ANAPC10: variants seen among roughly 807,000 people sequenced by gnomAD.
ANAPC10 encodes the protein anaphase promoting complex subunit 10, also known as anaphase-promoting complex subunit 10.
ANAPC10 carries 12 observed loss-of-function variants against 22.0 expected under a neutral mutation model. That is an observed-to-expected ratio of 0.55 (90% confidence interval 0.35 to 0.88). ANAPC10 has a LOEUF of 0.88. Among genes scored for constraint, ANAPC10 ranks in the 40% least tolerant of loss-of-function variants. ANAPC10 has a pLI of 0.01. For synonymous variants in ANAPC10, 65 were observed against 69.5 expected, an observed-to-expected ratio of 0.94 and a Z score of 0.32; for missense variants, 188 against 220.9, an observed-to-expected ratio of 0.85 and a Z score of 0.94.
chr4:145,096,176 T>C (rs1276775493), intron 1 of ANAPC10, 65 bp from the exon 2 acceptor site: 1 of 1,549,998 alleles, frequency 6.5e-7, no homozygotes, highest in African/African-American at 1.4e-5. Context: ...AAAAGTTTTT[T>C]ACCAAGAAAA....
At chr4:144,996,797 A>T (rs996702773) in intron 4 of ANAPC10, among the ~76,000 whole-genome samples, 1 of 152,222 alleles carries the variant, frequency 6.6e-6, no homozygotes, top group Non-Finnish European at 1.5e-5. Context: ...TCCGAGCTAA[A>T]GGAGGATATT....
intron 2 of ANAPC10, among the ~76,000 whole-genome samples, chr4:145,084,470 A>T (rs1195833395): frequency 6.6e-6 from 1 of 152,218 alleles, no homozygotes; most frequent in Non-Finnish European, 1.5e-5. Context: ...AAGGAGCCAG[A>T]TCACACAGAC....
At position 145,095,981 on chromosome 4, in the gene ANAPC10, T is replaced by C. The variant is rs780215010; in HGVS notation, c.115+4A>G. The C allele has an allele frequency of 6.2e-7, 1 of 1,614,146 alleles. No individual in the cohort carries two copies. The highest frequency in any genetic ancestry group is 1.7e-5 in the Admixed American group (1 of 60,024). On this transcript the variant is annotated splice_donor_region_variant and intron_variant, in intron 2 of 4. Coordinates refer to ENST00000507656, the MANE Select transcript of ANAPC10 (RefSeq NM_001256706.2). ...CAACAGCTTTTTTGTTTGTTAGTTT[T>C]TACCTGGTTTGCAAGATGAGAGTGA...
At chr4:145,096,326 G>C (rs772991722) in intron 1 of ANAPC10, among the ~76,000 whole-genome samples, 4 of 152,174 alleles carry the variant, frequency 2.6e-5, no homozygotes, top group Non-Finnish European at 4.4e-5. Flanking sequence ...GGGAGGCTGA[G>C]ACAGGAGGAT....
At chr4:145,005,761 C>A (rs1733246695) in intron 4 of ANAPC10, among the ~76,000 whole-genome samples, 1 of 152,054 alleles carries the variant, frequency 6.6e-6, no homozygotes, top group Non-Finnish European at 1.5e-5. Flanking sequence ...CATGTAATTG[C>A]ATGGTTTTCA....
intron 3 of ANAPC10, among the ~76,000 whole-genome samples, chr4:145,074,691 G>A (rs1040555590): frequency 1.3e-5 from 2 of 152,132 alleles, no homozygotes; most frequent in African/African-American, 4.8e-5. Context: ...GAGCTTAGAG[G>A]ATCATGTAAT....
Position 144,995,442 on chromosome 4 carries a change from T to C in ANAPC10, c.489A>G (p.Glu163=), listed in dbSNP as rs1268808800. The C allele has an allele frequency of 6.2e-7, 1 of 1,613,716 alleles. No individual in the cohort carries two copies. Among genetic ancestry groups the C allele is most frequent in the Admixed American group, 1.7e-5 (1 of 60,000 alleles). ...MRQIKIYTPV[E]ESSIGKFPRC... ...TAGGAAATTTACCAATGGAGCTCTC[T>C]TCTACTGGTGTGTATATTTTAATTT... Residue 163 remains glutamate (E), a synonymous_variant, in exon 5 of 5, where the codon GAA becomes GAG. Transcript: ENST00000507656.
chr4:145,064,590 G>C lies in ANAPC10; in HGVS notation c.309C>G (p.His103Gln), dbSNP rs372401997. The change falls in exon 4 of 5, where the codon CAC becomes CAG. Residue 103 changes from histidine (H) to glutamine (Q), a missense_variant. Physicochemically the swap from His to Gln is conservative, Grantham distance 24. Coordinates refer to ENST00000507656, the MANE Select transcript of ANAPC10 (RefSeq NM_001256706.2). ...GACATACCCGAATTTCTTGAAGGTT[G>C]TGAAAATTATTTCCTACTCTGACTG... Reference protein sequence around the residue: ...KISVRVGNNFHNLQEIRQLEL... With the variant: ...KISVRVGNNFQNLQEIRQLEL... The C allele has an allele frequency of 8.1e-6, 13 of 1,605,504 alleles. No individual in the cohort carries two copies. Among genetic ancestry groups the C allele is most frequent in the Non-Finnish European group, 4.3e-6 (5 of 1,176,288 alleles).
intron 4 of ANAPC10, among the ~76,000 whole-genome samples, chr4:145,057,371 T>C (rs1579062336): frequency 6.6e-6 from 1 of 152,290 alleles, no homozygotes; most frequent in Admixed American, 6.5e-5. Context: ...GCCTAGATAA[T>C]CCTGACTTTA....
chr4:145,030,574 T>C (rs1459003980), intron 4 of ANAPC10, among the ~76,000 whole-genome samples: 1 of 152,198 alleles, frequency 6.6e-6, no homozygotes, highest in East Asian at 1.9e-4. Flanking sequence ...AATGGAGTTT[T>C]AGCTTAGGTC....
At chr4:145,074,289 G>A (rs908544063) in intron 3 of ANAPC10, among the ~76,000 whole-genome samples, 4 of 151,566 alleles carry the variant, frequency 2.6e-5, no homozygotes, top group Non-Finnish European at 4.4e-5. Context: ...TCTCCTAACT[G>A]CCAAGAAAAA....
rs763869070 is a variant in ANAPC10, at chr4:144,995,510, C to T, written c.421G>A (p.Val141Ile). 1.9e-6 allele frequency: 3 copies of T among 1,613,776 alleles called. No homozygotes were observed. In the East Asian group the frequency reaches 6.7e-5, roughly 36 times the overall value. The change falls in exon 5 of 5, where the codon GTT becomes ATT. Residue 141 changes from valine to isoleucine, a missense_variant. Coordinates refer to ENST00000507656, the MANE Select transcript of ANAPC10 (RefSeq NM_001256706.2). ...CTTCCATTCTGGTGATTGGCTAGAA[C>T]AGCAATCTGTATCATGAATGTACGA... ...PTRTFMIQIA[V>I]LANHQNGRDT...
intron 2 of ANAPC10, among the ~76,000 whole-genome samples, chr4:145,094,184 G>C (rs965477876): frequency 2.0e-5 from 3 of 152,264 alleles, no homozygotes; most frequent in Admixed American, 6.5e-5. Context: ...ATAAACTACA[G>C]ATATGTGCCC....
At chr4:145,016,371 T>C (rs963038284) in intron 4 of ANAPC10, among the ~76,000 whole-genome samples, 9 of 152,192 alleles carry the variant, frequency 5.9e-5, no homozygotes, top group African/African-American at 1.9e-4. Context: ...CCATTCACAA[T>C]TGCCTCAAAG....
chr4:145,003,275 T>G (rs905163761), intron 4 of ANAPC10, among the ~76,000 whole-genome samples: 12 of 152,128 alleles, frequency 7.9e-5, no homozygotes, highest in Non-Finnish European at 1.5e-4. Context: ...ATTTAAAAAA[T>G]CTACTCTACT....
chr4:145,090,749 T>C (rs1403679614), intron 2 of ANAPC10, among the ~76,000 whole-genome samples: 3 of 152,220 alleles, frequency 2.0e-5, no homozygotes, highest in Non-Finnish European at 4.4e-5. Context: ...GTAAAGTTCT[T>C]AGAACAGCAT....
In ANAPC10 at chr4:145,094,253, T is replaced by C. The variant is rs1748147748; in HGVS notation, c.115+1732A>G. On this transcript the variant is annotated intron_variant, in intron 2 of 4. Transcript: ENST00000507656. ...AAGACACTAGACCCAATAAGCTACA[T>C]ACAGTATTTATATCGGCATTCTGGG... Among the ~76,000 whole-genome samples the C allele has an allele frequency of 2.6e-5, 4 of 152,102 alleles. No homozygotes were observed. In the South Asian group the frequency reaches 8.3e-4, roughly 31 times the overall value.
At chr4:145,078,410 A>G (rs1039117414) in intron 3 of ANAPC10, among the ~76,000 whole-genome samples, 8 of 152,172 alleles carry the variant, frequency 5.3e-5, no homozygotes, top group African/African-American at 1.9e-4. Context: ...ATGCTCATGG[A>G]TAGGAAGAAT....
intron 2 of ANAPC10, among the ~76,000 whole-genome samples, chr4:145,087,907 G>T (rs1316198687): frequency 6.6e-6 from 1 of 152,054 alleles, no homozygotes; most frequent in Non-Finnish European, 1.5e-5. Flanking sequence ...AATTAGCTGA[G>T]TGTGGTGGTG....
Sources: gnomAD v4.1 joint callset for allele counts (sites outside exome capture counted in the v4.1 genomes callset) on GRCh38, gnomAD v4.1.1 for gene constraint, MANE v1.5 for transcripts, NCBI Gene and HGNC (gene_info 2026-07-23, HGNC 2026-07-21) for gene names.